ZFHX3: variants seen among roughly 807,000 people sequenced by gnomAD.
ZFHX3 encodes zinc finger homeobox protein 3.
A neutral mutation model predicts 279.1 loss-of-function variants in ZFHX3; 42 were observed. The ratio of observed to expected loss-of-function variants is 0.15; its 90% CI spans 0.12 to 0.19. ZFHX3 has a LOEUF of 0.19. Among genes scored for constraint, ZFHX3 ranks in the 10% least tolerant of loss-of-function variants. The pLI is 1.00. For synonymous variants in ZFHX3, 2,293 were observed against 1,957.8 expected (o/e 1.17, Z -4.52); for missense variants, 4,981 against 4,754.0 (o/e 1.05, Z -1.40).
At chr16:73,664,023 T>C (rs1369168500) in intron 2 of ZFHX3, among the ~76,000 whole-genome samples, 1 of 152,214 alleles carries the variant, frequency 6.6e-6, no homozygotes, top group Non-Finnish European at 1.5e-5. Context: ...TTTCTCTAGA[T>C]AGACAAATTG....
In ZFHX3 at chr16:73,085,985, CAAAAAAA is replaced by C. The variant is rs57128744; in HGVS notation, c.-533+7243_-533+7249del. 2.0e-3 allele frequency among the ~76,000 whole-genome samples: 109 copies of C among 54,228 alleles called. 1 individual carries two copies. The highest frequency in any genetic ancestry group is 0.013 in the South Asian group (18 of 1,434). The allele number at this position is 54,228 out of a possible 152,430, so 35.6% of individuals were successfully genotyped here. A position where few individuals can be genotyped will look rare whatever the true frequency, so the allele number is the denominator to read the frequency against. On this transcript the variant is annotated intron_variant, in intron 8 of 17. Coordinates refer to the ZFHX3 transcript ENST00000641206. ...ATAAGGAACTCAAACAACTCAATTG[CAAAAAAA>C]AAAAAAAAAAAAAAAATCAAATTAA...
In ZFHX3 at chr16:72,798,575, C is replaced by T; in HGVS notation, c.4107G>A (p.Gln1369=). 6.2e-7 allele frequency: 1 copy of T among 1,614,174 alleles called. No individual in the cohort carries two copies. The highest frequency in any genetic ancestry group is 8.5e-7 in the Non-Finnish European group (1 of 1,180,026). ...GAAGGGCAGCAGAAGTTTTGAAAAC[C>T]TGGTTGCACCCCTTCTTCCAGCAGA... ...GFICWKKGCN[Q]VFKTSAALQT... The change falls in exon 9 of 10, where the codon CAG becomes CAA. Residue 1369 remains glutamine (Q), a synonymous_variant. Transcript: ENST00000268489.
chr16:73,404,704 C>G (rs559239489), intron 3 of ZFHX3, among the ~76,000 whole-genome samples: 1 of 152,150 alleles, frequency 6.6e-6, no homozygotes, highest in Non-Finnish European at 1.5e-5. Flanking sequence ...CCCCGTTTTA[C>G]GCATAAGGAC....
chr16:73,590,247 A>C (rs1325899998), intron 2 of ZFHX3, among the ~76,000 whole-genome samples: 1 of 152,208 alleles, frequency 6.6e-6, no homozygotes. Context: ...ACTCCTAAAA[A>C]CCATAACTGG....
At chr16:72,931,399 TTCATTACACACACAC>T (rs1959789025) in intron 3 of ZFHX3, among the ~76,000 whole-genome samples, 2 of 126,066 alleles carry the variant, frequency 1.6e-5, no homozygotes, top group African/African-American at 3.0e-5. Context: ...AGCCATTTAT[TTCATTACACACACAC>T]ACACACACAC....
intron 5 of ZFHX3, among the ~76,000 whole-genome samples, chr16:73,255,812 A>G (rs1041929480): frequency 2.0e-5 from 3 of 152,172 alleles, no homozygotes; most frequent in African/African-American, 7.2e-5. Context: ...CTGGCTACTG[A>G]ACTGGATACA....
At chr16:73,509,969 T>G (rs953684197) in intron 2 of ZFHX3, among the ~76,000 whole-genome samples, 1 of 152,172 alleles carries the variant, frequency 6.6e-6, no homozygotes, top group African/African-American at 2.4e-5. Flanking sequence ...GTTCTGGGAG[T>G]ACAGGCATGA....
intron 1 of ZFHX3, among the ~76,000 whole-genome samples, chr16:73,741,352 G>C (rs1161778341): frequency 6.6e-6 from 1 of 152,158 alleles, no homozygotes; most frequent in Non-Finnish European, 1.5e-5. Flanking sequence ...GCTAAGACGT[G>C]AAGTCTCTTG....
At position 72,794,332 on chromosome 16, in the gene ZFHX3, G is replaced by C. The variant is rs2035822470; in HGVS notation, c.8350C>G (p.Pro2784Ala). ...ATGGTTTTACTCACAGGTGAGAGGG[G>C]GACACCCTGACCATCACTACTGCTT... ...PPSSSDGQGV[P>A]LSPVSKTMEL... The change falls in exon 9 of 10, where the codon CCC becomes GCC. Residue 2784 changes from proline to alanine, a missense_variant. By Grantham distance (27) the Pro-to-Ala change is conservative. Transcript: ENST00000268489. The surrounding 1 kb of genome is among the most constrained non-coding windows in gnomAD (Gnocchi z 4.2). 1.2e-6 allele frequency: 2 copies of C among 1,604,704 alleles called. No individual in the cohort carries two copies. The highest frequency in any genetic ancestry group is 1.7e-6 in the Non-Finnish European group (2 of 1,175,020).
intron 3 of ZFHX3, among the ~76,000 whole-genome samples, chr16:73,335,193 A>G (rs1340532885): frequency 1.3e-5 from 2 of 152,168 alleles, no homozygotes; most frequent in Non-Finnish European, 2.9e-5. Flanking sequence ...AGCTATAATA[A>G]TATTTACCAA....
Position 72,788,366 on chromosome 16 carries a change from T to G in ZFHX3, c.9910A>C (p.Thr3304Pro), listed in dbSNP as rs772969645. Residue 3304 changes from threonine (T) to proline (P), a missense_variant, in exon 10 of 10, where the codon ACA becomes CCA. By Grantham distance (38) the Thr-to-Pro change is conservative. Around this residue, in one of 7 missense-constraint regions of ZFHX3, gnomAD observed 1,034 missense variants for 786.0 expected, o/e 1.32. Transcript: ENST00000268489. ...ACAAAGTAAGGAAGGAACTGGCTTG[T>G]GAGCAATGCTGTGGGGTCCGAAGTC... is the stretch of plus-strand genomic sequence containing the variant. ...ALTSDPTALL[T>P]SQFLPYFVPG... 6.2e-7 allele frequency: 1 copy of G among 1,614,072 alleles called. No individual in the cohort carries two copies.
At chr16:72,942,305 T>C (rs1960448266) in intron 3 of ZFHX3, among the ~76,000 whole-genome samples, 1 of 152,236 alleles carries the variant, frequency 6.6e-6, no homozygotes, top group African/African-American at 2.4e-5. Context: ...TATCCTGGAA[T>C]GCAGAAGCAA....
chr16:72,846,454 T>C (rs1409289687), intron 4 of ZFHX3, among the ~76,000 whole-genome samples: 1 of 57,416 alleles, frequency 1.7e-5, no homozygotes, highest in Non-Finnish European at 3.3e-5. Context: ...CCTGTAGGCC[T>C]TGCTACCCAC....
intron 7 of ZFHX3, among the ~76,000 whole-genome samples, chr16:73,100,615 T>TCCA (rs10630599): frequency 0.35 from 52,728 of 149,836 alleles, 9,791 homozygotes; most frequent in East Asian, 0.65. Flanking sequence ...AGTCTTGCTC[T>TCCA]GTTACCCAGG....
chr16:73,472,773 C>T (rs925710573), intron 2 of ZFHX3, among the ~76,000 whole-genome samples: 8 of 152,140 alleles, frequency 5.3e-5, no homozygotes, highest in African/African-American at 1.9e-4. Context: ...TGGGCAGTAG[C>T]TGTGTCCCTT....
intron 1 of ZFHX3, among the ~76,000 whole-genome samples, chr16:73,687,846 C>CTAAAA (rs2053106179): frequency 1.6e-5 from 1 of 63,930 alleles, no homozygotes; most frequent in African/African-American, 5.5e-5. Context: ...GACTCTGTCT[C>CTAAAA]AAAAAAAAAA....
At chr16:73,418,635 T>C (rs2017648123) in intron 3 of ZFHX3, among the ~76,000 whole-genome samples, 1 of 152,214 alleles carries the variant, frequency 6.6e-6, no homozygotes, top group African/African-American at 2.4e-5. Context: ...ATACAAAGTG[T>C]TGTGTACGTT....
At chr16:73,353,741 C>A (rs1238930421) in intron 3 of ZFHX3, among the ~76,000 whole-genome samples, 1 of 151,728 alleles carries the variant, frequency 6.6e-6, no homozygotes. Flanking sequence ...TGAAAGGAAG[C>A]AGGAGAAAAA....
chr16:73,766,174 G>A (rs1273745790), intron 1 of ZFHX3, among the ~76,000 whole-genome samples: 1 of 152,100 alleles, frequency 6.6e-6, no homozygotes, highest in Non-Finnish European at 1.5e-5. Flanking sequence ...CCCTCATAGT[G>A]ACAGCGTGCA....
Sources: allele counts gnomAD v4.1 joint callset (sites outside exome capture counted in the v4.1 genomes callset), GRCh38; gene constraint gnomAD v4.1.1; regional missense constraint gnomAD v4.1.1; non-coding constraint Gnocchi (gnomAD v3.1); transcripts MANE v1.5; gene names NCBI Gene and HGNC (gene_info 2026-07-23, HGNC 2026-07-21).